Variants in GLRA3 observed in about 807,000 individuals in gnomAD.
The protein encoded by GLRA3 is glycine receptor subunit alpha-3.
In GLRA3, 44 loss-of-function variants were observed where a neutral mutation model predicts 60.4. That is an observed-to-expected ratio of 0.73 (90% CI 0.57 to 0.94). The LOEUF (loss-of-function observed/expected upper bound fraction) is 0.94. Ranked by LOEUF, GLRA3 falls within the 40% of genes least tolerant of loss-of-function variation. The probability of loss-of-function intolerance (pLI) is 0.00; values close to 1 mark genes in which losing one functional copy is unlikely to be tolerated. For synonymous variants in GLRA3, 223 were observed against 192.9 expected (o/e 1.16, Z -1.29); for missense variants, 508 against 564.6 (o/e 0.90, Z 1.02).
At chr4:174,774,277 C>T (rs1738505739) in intron 2 of GLRA3, among the ~76,000 whole-genome samples, 1 of 152,014 alleles carries the variant, frequency 6.6e-6, no homozygotes. Context: ...CTAGACTAAA[C>T]ATATGGTATT....
rs749253586 is a variant in GLRA3 at position 174,677,283 on chromosome 4, G to A, written c.722C>T (p.Thr241Met). Residue 241 changes from threonine to methionine, a missense_variant, in exon 7 of 10, where the codon ACG becomes ATG. This residue lies in a region of GLRA3 where 329 missense variants were observed against 349.3 expected (regional missense o/e 0.94). Coordinates refer to ENST00000274093, the MANE Select transcript of GLRA3 (RefSeq NM_006529.4). The stretch of plus-strand genomic sequence containing the variant: ...CAGATGGAATCGCACTTCTATACAC[G>A]TAAACTTTCCTAATTGGTGGTAAGG... ...CTKHYNTGKF[T>M]CIEVRFHLER... The A allele has an allele frequency of 5.6e-6, 9 of 1,596,368 alleles. No individual in the cohort carries two copies. Among genetic ancestry groups the A allele is most frequent in the African/African-American group, 4.0e-5 (3 of 74,566 alleles).
chr4:174,770,495 G>C (rs1214285179), intron 2 of GLRA3, among the ~76,000 whole-genome samples: 1 of 151,986 alleles, frequency 6.6e-6, no homozygotes, highest in African/African-American at 2.4e-5. Context: ...GAAAATTCCA[G>C]GCTATTAATT....
chr4:174,640,285 G>A lies in GLRA3; in HGVS notation c.*3501C>T, dbSNP rs571548098. The stretch of plus-strand genomic sequence containing the variant: ...TTAGGGGACACCTGTGAAAAACAAT[G>A]CTGTCAGTTTCCTTCTTTTCCATTT... On this transcript the variant is annotated 3_prime_UTR_variant, in exon 10 of 10. Coordinates refer to ENST00000274093, the MANE Select transcript of GLRA3 (RefSeq NM_006529.4). 6.6e-6 allele frequency: 1 copy of A among 151,990 alleles called. No individual in the cohort carries two copies. Among genetic ancestry groups the A allele is most frequent in the African/African-American group, 2.4e-5 (1 of 41,428 alleles). The allele number at this position is 151,990 out of a possible 1,614,324, so 9.4% of individuals were successfully genotyped here. A position where few individuals can be genotyped will look rare whatever the true frequency, so the allele number is the denominator to read the frequency against.
intron 7 of GLRA3, among the ~76,000 whole-genome samples, chr4:174,660,947 C>T (rs1353747520): frequency 1.3e-5 from 2 of 152,266 alleles, no homozygotes; most frequent in East Asian, 1.9e-4. Context: ...TTTGACAAGT[C>T]GCCCTCATTA....
intron 4 of GLRA3, among the ~76,000 whole-genome samples, chr4:174,716,404 A>T (rs1735919376): frequency 6.6e-6 from 1 of 152,176 alleles, no homozygotes; most frequent in Non-Finnish European, 1.5e-5. Context: ...ATTCCAGAAA[A>T]TTCATCACCT....
At chr4:174,726,289 G>T (rs1333168927) in intron 4 of GLRA3, among the ~76,000 whole-genome samples, 3 of 152,152 alleles carry the variant, frequency 2.0e-5, no homozygotes, top group Non-Finnish European at 4.4e-5. Context: ...GGATGGTGGG[G>T]CATGAAAATC....
At chr4:174,654,779 A>C (rs114136761) in intron 9 of GLRA3, among the ~76,000 whole-genome samples, 1,744 of 152,206 alleles carry the variant, frequency 0.011, 30 homozygotes, top group African/African-American at 0.04. Flanking sequence ...CTTCCATATC[A>C]TGCATACAGA....
intron 2 of GLRA3, among the ~76,000 whole-genome samples, chr4:174,771,609 C>T (rs1738389131): frequency 1.3e-5 from 2 of 152,048 alleles, no homozygotes; most frequent in African/African-American, 4.8e-5. Context: ...TGATGGGGTA[C>T]AGCCATGTTG....
At chr4:174,775,599 A>C (rs1002111907) in intron 2 of GLRA3, among the ~76,000 whole-genome samples, 3 of 152,216 alleles carry the variant, frequency 2.0e-5, no homozygotes, top group African/African-American at 7.2e-5. Flanking sequence ...CTGAAGTTGC[A>C]CTTATGAGTC....
intron 3 of GLRA3, among the ~76,000 whole-genome samples, chr4:174,747,561 C>A (rs1481442170): frequency 1.3e-5 from 2 of 152,112 alleles, no homozygotes; most frequent in Non-Finnish European, 2.9e-5. Context: ...GAGTTAGATT[C>A]TGTGACGGTT....
intron 3 of GLRA3, among the ~76,000 whole-genome samples, chr4:174,747,707 A>AT (rs1449828502): frequency 6.6e-6 from 1 of 152,090 alleles, no homozygotes; most frequent in African/African-American, 2.4e-5. Flanking sequence ...TAGGTCCTCA[A>AT]TTTTCTGGCT....
intron 1 of GLRA3, among the ~76,000 whole-genome samples, chr4:174,805,711 T>A (rs1740020344): frequency 6.6e-6 from 1 of 152,142 alleles, no homozygotes; most frequent in Non-Finnish European, 1.5e-5. Flanking sequence ...TAAAAAGTAT[T>A]TTTTACCAAG....
chr4:174,675,696 T>C (rs1734091855), intron 7 of GLRA3, among the ~76,000 whole-genome samples: 1 of 152,150 alleles, frequency 6.6e-6, no homozygotes. Context: ...ACATGAAAAA[T>C]ATTTTAGAAA....
intron 1 of GLRA3, among the ~76,000 whole-genome samples, chr4:174,800,135 A>G (rs1040255488): frequency 4.6e-5 from 7 of 152,138 alleles, no homozygotes; most frequent in African/African-American, 1.7e-4. Flanking sequence ...TTGTTCGGAA[A>G]GCAAACCAGA....
chr4:174,786,393 C>A (rs946827256), intron 2 of GLRA3, among the ~76,000 whole-genome samples: 5 of 152,018 alleles, frequency 3.3e-5, no homozygotes, highest in Non-Finnish European at 7.4e-5. Context: ...TTATTTTTGC[C>A]TGAGGTGAGG....
chr4:174,671,358 C>T (rs1375689072), intron 7 of GLRA3, among the ~76,000 whole-genome samples: 3 of 152,106 alleles, frequency 2.0e-5, no homozygotes, highest in Admixed American at 2.0e-4. Context: ...ATCACTAACA[C>T]AATGTACTCT....
intron 9 of GLRA3, among the ~76,000 whole-genome samples, chr4:174,654,499 T>C (rs1056479550): frequency 1.3e-5 from 2 of 152,148 alleles, no homozygotes; most frequent in East Asian, 3.8e-4. Flanking sequence ...TCCATTCCTA[T>C]TTCATTTGCA....
intron 5 of GLRA3, among the ~76,000 whole-genome samples, chr4:174,686,259 T>C (rs767584039): frequency 6.6e-6 from 1 of 152,190 alleles, no homozygotes; most frequent in Non-Finnish European, 1.5e-5. Flanking sequence ...TTTTAAAAAA[T>C]CAATACTTTT....
chr4:174,816,057 C>T (rs936610174), intron 1 of GLRA3, among the ~76,000 whole-genome samples: 10 of 152,150 alleles, frequency 6.6e-5, no homozygotes, highest in South Asian at 2.1e-4. Flanking sequence ...ACAGCCAAAC[C>T]ATATCCCTTG....
Sources: gnomAD v4.1 joint callset for allele counts (sites outside exome capture counted in the v4.1 genomes callset) on GRCh38, gnomAD v4.1.1 for gene constraint, gnomAD v4.1.1 regional missense constraint, MANE v1.5 for transcripts, NCBI Gene and HGNC (gene_info 2026-07-23, HGNC 2026-07-21) for gene names.